SBNO2: variants seen among roughly 807,000 people sequenced by gnomAD.
SBNO2 encodes strawberry notch homolog 2.
A neutral mutation model predicts 146.3 loss-of-function variants in SBNO2; 89 were observed. The ratio of observed to expected loss-of-function variants is 0.61; its 90% CI spans 0.51 to 0.73. SBNO2 has a LOEUF of 0.73. Among genes scored for constraint, SBNO2 ranks in the 30% least tolerant of loss-of-function variants. The probability of loss-of-function intolerance (pLI) is 0.00; values close to 1 mark genes in which losing one functional copy is unlikely to be tolerated. For missense variants in SBNO2, 2,092 were observed against 2,003.7 expected (o/e 1.04, Z -0.84); for synonymous variants, 1,147 against 892.6 (o/e 1.29, Z -5.08).
chr19:1,164,797 G>T (rs371883456), intron 1 of SBNO2, among the ~76,000 whole-genome samples: 1 of 878 alleles, frequency 1.1e-3, no homozygotes, highest in East Asian at 0.02. Context: ...GTGGAGACAG[G>T]AGGAGGAGGA....
At chr19:1,141,442 T>C (rs1263066854) in intron 4 of SBNO2, among the ~76,000 whole-genome samples, 1 of 152,108 alleles carries the variant, frequency 6.6e-6, no homozygotes, top group Non-Finnish European at 1.5e-5. Flanking sequence ...CTCAAACTCC[T>C]AAGCTCAGGT....
At chr19:1,169,377 C>T (rs1324232609) in intron 1 of SBNO2, among the ~76,000 whole-genome samples, 1 of 152,224 alleles carries the variant, frequency 6.6e-6, no homozygotes. Context: ...TTCAGGGCCA[C>T]GCTGCCATGC....
At chr19:1,169,510 A>G (rs2080457834) in intron 1 of SBNO2, among the ~76,000 whole-genome samples, 1 of 152,188 alleles carries the variant, frequency 6.6e-6, no homozygotes. Context: ...GGCCCCTTCG[A>G]GTAGAATGCA....
At chr19:1,152,832 G>A (rs1039636222) in intron 2 of SBNO2, among the ~76,000 whole-genome samples, 2 of 152,204 alleles carry the variant, frequency 1.3e-5, no homozygotes, top group South Asian at 4.1e-4. Context: ...CTTGATAGGA[G>A]AGGGCAGCCC....
intron 4 of SBNO2, among the ~76,000 whole-genome samples, chr19:1,143,735 T>C (rs889746967): frequency 3.4e-4 from 52 of 152,082 alleles, no homozygotes; most frequent in Admixed American, 2.4e-3. Context: ...ATGAGGGCCC[T>C]GTGAGGACAC....
intron 1 of SBNO2, among the ~76,000 whole-genome samples, chr19:1,171,294 CAG>C (rs2080475110): frequency 6.6e-6 from 1 of 152,084 alleles, no homozygotes; most frequent in East Asian, 1.9e-4. Context: ...GACGCACACA[CAG>C]AATGCACGTG....
At position 1,152,678 on chromosome 19, in the gene SBNO2, G is replaced by A. The variant is rs58998803; in HGVS notation, c.93+1506C>T. On this transcript the variant is annotated intron_variant, in intron 2 of 31. Transcript: ENST00000361757. ...CCCCAGCTCAGAGCCCCCTCTGGAC[G>A]GTCAGAACATGGCAGGAAGCTGCCC... 1.8e-4 allele frequency among the ~76,000 whole-genome samples: 27 copies of A among 152,298 alleles called. No homozygotes were observed. The East Asian group carries it at 3.7e-3, about 21-fold the overall frequency.
rs78233039 is a variant in SBNO2 at position 1,143,909 on chromosome 19, G to A, written c.279+3400C>T. On this transcript the variant is annotated intron_variant, in intron 4 of 31. Transcript: ENST00000361757. ...GCAGGTCCCGTCTGCCATGAGAGGCGACACGGCGGCAGGTCCTGGGGATCA... is the reference window on the plus strand; with the variant it reads ...GCAGGTCCCGTCTGCCATGAGAGGCAACACGGCGGCAGGTCCTGGGGATCA... Among the ~76,000 whole-genome samples the A allele has an allele frequency of 1.9e-4, 29 of 152,360 alleles. No individual in the cohort carries two copies. The East Asian group carries it at 3.9e-3, about 20-fold the overall frequency.
In SBNO2 at chr19:1,115,736, G is replaced by A. The variant is rs1310199133; in HGVS notation, c.1885+285C>T. 4.9e-5 allele frequency: 26 copies of A among 533,060 alleles called. 2 individuals are homozygous for A. The South Asian group carries it at 5.7e-4, about 12-fold the overall frequency. The allele number at this position is 533,060 out of a possible 1,614,324, so 33.0% of individuals were successfully genotyped here. A position where few individuals can be genotyped will look rare whatever the true frequency, so the allele number is the denominator to read the frequency against. On this transcript the variant is annotated intron_variant, in intron 17 of 31. Transcript: ENST00000361757. Reference sequence around the variant, plus strand: ...ACCCTGAAAACGGAAGGTGGGAGGGGTCTCGCTCAGCACCCGCGTCCGTGT... The same window carrying A: ...ACCCTGAAAACGGAAGGTGGGAGGGATCTCGCTCAGCACCCGCGTCCGTGT...
intron 1 of SBNO2, among the ~76,000 whole-genome samples, chr19:1,167,670 C>A (rs1411128603): frequency 6.6e-6 from 1 of 152,152 alleles, no homozygotes; most frequent in Non-Finnish European, 1.5e-5. Flanking sequence ...CAGGACGACC[C>A]CTCTGCAGAG....
rs2079715557 is a variant in SBNO2, at chr19:1,109,002, G to T, written c.3426-33C>A. 6.7e-7 allele frequency: 1 copy of T among 1,489,952 alleles called. No individual in the cohort carries two copies. The highest frequency in any genetic ancestry group is 8.9e-7 in the Non-Finnish European group (1 of 1,123,398). The allele number at this position is 1,489,952 out of a possible 1,614,324, so 92.3% of individuals were successfully genotyped here. A position where few individuals can be genotyped will look rare whatever the true frequency, so the allele number is the denominator to read the frequency against. ...CGAGACGGGTCGTCTCGGCTCAGGC[G>T]GGTCCCAGGGGCCCGCAGGCTCCCC... On this transcript the variant is annotated intron_variant, in intron 30 of 31. Transcript: ENST00000361757. The surrounding 1 kb of genome is among the most constrained non-coding windows in gnomAD (Gnocchi z 4.2).
chr19:1,117,023 C>T (rs2079840785), intron 15 of SBNO2, 97 bp from the exon 16 acceptor site: 7 of 1,165,602 alleles, frequency 6.0e-6, no homozygotes, highest in Non-Finnish European at 7.3e-6. Context: ...ACATCCCTCA[C>T]TCTGCTGCTG....
Position 1,145,663 on chromosome 19 carries a change from G to A in SBNO2, c.279+1646C>T, listed in dbSNP as rs137931194. On this transcript the variant is annotated intron_variant, in intron 4 of 31. Coordinates refer to ENST00000361757, the MANE Select transcript of SBNO2 (RefSeq NM_014963.3). ...CGCACCCCGGGCTCCTCCCCTGTGCGTCCCCTGAAGGGTGGGGCACAGATG... is the reference window on the plus strand; with the variant it reads ...CGCACCCCGGGCTCCTCCCCTGTGCATCCCCTGAAGGGTGGGGCACAGATG... Among the ~76,000 whole-genome samples, 807 of 152,126 alleles carry A rather than the reference G, an allele frequency of 5.3e-3. 10 individuals carry two copies. Among genetic ancestry groups the A allele is most frequent in the African/African-American group, 0.018 (765 of 41,492 alleles).
At chr19:1,151,504 G>A (rs1218524679) in intron 2 of SBNO2, among the ~76,000 whole-genome samples, 1 of 152,236 alleles carries the variant, frequency 6.6e-6, no homozygotes, top group Non-Finnish European at 1.5e-5. Flanking sequence ...CCCCACAGGG[G>A]TGCCATGGGC....
chr19:1,152,546 G>A (rs868220781), intron 2 of SBNO2, among the ~76,000 whole-genome samples: 43 of 152,214 alleles, frequency 2.8e-4, no homozygotes, highest in African/African-American at 9.9e-4. Context: ...CTCCACCGGG[G>A]CAGCTGTGAG....
intron 4 of SBNO2, among the ~76,000 whole-genome samples, chr19:1,141,608 C>T (rs1053903416): frequency 6.6e-6 from 1 of 151,764 alleles, no homozygotes; most frequent in Non-Finnish European, 1.5e-5. Flanking sequence ...ACAGTGGGCC[C>T]CTCCACGCGT....
Position 1,112,435 on chromosome 19 carries a change from G to C in SBNO2, c.2482C>G (p.Pro828Ala). Residue 828 changes from proline (P) to alanine (A), a missense_variant, in exon 21 of 32, where the codon CCG becomes GCG. Coordinates refer to ENST00000361757, the MANE Select transcript of SBNO2 (RefSeq NM_014963.3). This position sits in a 1 kb window ranked among gnomAD's most constrained non-coding sequence, Gnocchi z 5.9. ...TGGATGGCGCGGTCGGCGCTCCACG[G>C]CAGCTCCAAGGTCATGTGCACGCGG... is the stretch of plus-strand genomic sequence containing the variant. ...RRRVHMTLEL[P>A]WSADRAIQQF... 1.2e-6 allele frequency: 2 copies of C among 1,606,908 alleles called. No homozygotes were observed. Among genetic ancestry groups the C allele is most frequent in the Non-Finnish European group, 1.7e-6 (2 of 1,178,590 alleles).
intron 11 of SBNO2, among the ~76,000 whole-genome samples, chr19:1,121,428 C>T (rs749693447): frequency 3.9e-5 from 6 of 152,172 alleles, no homozygotes; most frequent in Admixed American, 6.6e-5. Flanking sequence ...TGTGTCTCGG[C>T]GTTAACTGAA....
intron 5 of SBNO2, among the ~76,000 whole-genome samples, chr19:1,125,153 C>T (rs1042196863): frequency 2.0e-4 from 30 of 149,582 alleles, no homozygotes; most frequent in South Asian, 4.2e-4. Flanking sequence ...GATTTCGAGA[C>T]CAGCCTGGCC....
Sources: gnomAD v4.1 joint callset for allele counts (sites outside exome capture counted in the v4.1 genomes callset) on GRCh38, gnomAD v4.1.1 for gene constraint, Gnocchi (gnomAD v3.1) non-coding constraint, MANE v1.5 for transcripts, NCBI Gene and HGNC (gene_info 2026-07-23, HGNC 2026-07-21) for gene names.